MCHR2: variants seen among roughly 807,000 people sequenced by gnomAD.
MCHR2 encodes the protein melanin concentrating hormone receptor 2, also known as melanin-concentrating hormone receptor 2.
MCHR2 carries 15 observed loss-of-function variants against 24.8 expected under a neutral mutation model. That is an observed-to-expected ratio of 0.60 (90% CI 0.40 to 0.93). The LOEUF (loss-of-function observed/expected upper bound fraction) is 0.93, where lower values mean the gene tolerates loss of function less well. Among genes scored for constraint, MCHR2 ranks in the 40% least tolerant of loss-of-function variants. MCHR2 has a pLI of 0.00. For synonymous variants in MCHR2, 151 were observed against 147.6 expected, an observed-to-expected ratio of 1.02 and a Z score of -0.17; for missense variants, 386 against 408.7, an observed-to-expected ratio of 0.94 and a Z score of 0.48.
chr6:99,958,048 A>G (rs1775100518), intron 1 of MCHR2, among the ~76,000 whole-genome samples: 1 of 152,098 alleles, frequency 6.6e-6, no homozygotes, highest in Admixed American at 6.6e-5. Context: ...AAAAAAGAGA[A>G]TCAGATAGAA....
intron 1 of MCHR2, among the ~76,000 whole-genome samples, chr6:99,957,891 T>A (rs1227477100): frequency 6.6e-6 from 1 of 152,076 alleles, no homozygotes; most frequent in East Asian, 1.9e-4. Flanking sequence ...TGAAGACTCA[T>A]TAATCTATAG....
At chr6:99,970,400 T>C (rs1206247772) in intron 1 of MCHR2, among the ~76,000 whole-genome samples, 1 of 152,202 alleles carries the variant, frequency 6.6e-6, no homozygotes, top group Non-Finnish European at 1.5e-5. Flanking sequence ...CACTTTTTGA[T>C]GGGGTTGTTT....
chr6:99,932,119 A>G (rs954362422), intron 5 of MCHR2, among the ~76,000 whole-genome samples: 11 of 151,894 alleles, frequency 7.2e-5, no homozygotes, highest in Admixed American at 3.9e-4. Flanking sequence ...TTTGAAGGGT[A>G]TTTTTGCTGG....
chr6:99,962,661 G>A (rs1433813676), intron 1 of MCHR2, among the ~76,000 whole-genome samples: 1 of 152,016 alleles, frequency 6.6e-6, no homozygotes, highest in Non-Finnish European at 1.5e-5. Flanking sequence ...AAAACATAGG[G>A]GAAATCTTCA....
intron 1 of MCHR2, among the ~76,000 whole-genome samples, chr6:99,976,580 G>A (rs1166321997): frequency 1.3e-5 from 2 of 152,236 alleles, no homozygotes; most frequent in African/African-American, 2.4e-5. Context: ...TACTCCAGGT[G>A]TGGCTGCTGC....
intron 5 of MCHR2, among the ~76,000 whole-genome samples, chr6:99,927,233 C>T (rs1396292874): frequency 6.6e-6 from 1 of 152,196 alleles, no homozygotes; most frequent in East Asian, 1.9e-4. Context: ...GTTTTGGTTA[C>T]TGCAGCCTTG....
At chr6:99,953,236 C>T (rs950099012) in intron 2 of MCHR2, among the ~76,000 whole-genome samples, 6 of 152,176 alleles carry the variant, frequency 3.9e-5, no homozygotes, top group African/African-American at 1.2e-4. Flanking sequence ...TGGAATCCCA[C>T]ACTGAAGAGG....
At chr6:99,962,767 CTT>C (rs776351897) in intron 1 of MCHR2, among the ~76,000 whole-genome samples, 1 of 152,062 alleles carries the variant, frequency 6.6e-6, no homozygotes, top group Non-Finnish European at 1.5e-5. Flanking sequence ...AACTAAAAAG[CTT>C]CTGAACAGCA....
intron 1 of MCHR2, among the ~76,000 whole-genome samples, chr6:99,988,244 G>T (rs767496993): frequency 6.6e-6 from 1 of 152,114 alleles, no homozygotes; most frequent in Non-Finnish European, 1.5e-5. Context: ...TATTTCAGTG[G>T]CCTAATGGTG....
chr6:99,978,346 GGTTGT>G (rs1364204828), intron 1 of MCHR2, among the ~76,000 whole-genome samples: 2 of 151,598 alleles, frequency 1.3e-5, no homozygotes, highest in Non-Finnish European at 2.9e-5. Context: ...TCTGAAAGCA[GGTTGT>G]GTTAAGAGGA....
At chr6:99,960,611 A>T (rs1380363797) in intron 1 of MCHR2, among the ~76,000 whole-genome samples, 1 of 152,204 alleles carries the variant, frequency 6.6e-6, no homozygotes, top group African/African-American at 2.4e-5. Flanking sequence ...CCAAAACAGC[A>T]TGGTACTGGT....
intron 5 of MCHR2, among the ~76,000 whole-genome samples, chr6:99,926,018 T>C (rs1257409978): frequency 6.6e-6 from 1 of 151,996 alleles, no homozygotes; most frequent in Non-Finnish European, 1.5e-5. Context: ...CAGAGTGTGA[T>C]GTTCCCCTTC....
rs1481296167 is a variant in MCHR2 at position 99,918,805 on chromosome 6, T to C, written c.*2135A>G. Among the ~76,000 whole-genome samples the C allele has an allele frequency of 6.6e-6, 1 of 152,194 alleles. No individual in the cohort carries two copies. The highest frequency in any genetic ancestry group is 2.4e-5 in the African/African-American group (1 of 41,456). ...TAAATTTATTAATCACCCTTTTTAT[T>C]TTCTACTTTGATTAAATGCTAAATA... On this transcript the variant is annotated 3_prime_UTR_variant, in exon 6 of 6. Coordinates refer to ENST00000281806, the MANE Select transcript of MCHR2 (RefSeq NM_001040179.2).
At chr6:99,992,314 C>G (rs1211641006) in intron 1 of MCHR2, among the ~76,000 whole-genome samples, 1 of 152,218 alleles carries the variant, frequency 6.6e-6, no homozygotes, top group Non-Finnish European at 1.5e-5. Context: ...GACTCTAGGA[C>G]TAAAGTGCTA....
intron 4 of MCHR2, among the ~76,000 whole-genome samples, chr6:99,936,082 A>G (rs944917978): frequency 5.9e-5 from 9 of 151,674 alleles, no homozygotes; most frequent in African/African-American, 2.2e-4. Flanking sequence ...TGAGCTCCTT[A>G]TATATTCTGG....
At chr6:99,977,326 TC>T (rs944786796) in intron 1 of MCHR2, among the ~76,000 whole-genome samples, 1 of 152,188 alleles carries the variant, frequency 6.6e-6, no homozygotes, top group Non-Finnish European at 1.5e-5. Flanking sequence ...CCTATTAGAT[TC>T]TTAGGAAACC....
At chr6:99,924,290 T>C (rs1280608311) in intron 5 of MCHR2, among the ~76,000 whole-genome samples, 1 of 152,100 alleles carries the variant, frequency 6.6e-6, no homozygotes, top group Non-Finnish European at 1.5e-5. Context: ...TATTTAGATC[T>C]TCTGTCTTTT....
chr6:99,974,450 A>T (rs1775504845), intron 1 of MCHR2, among the ~76,000 whole-genome samples: 1 of 152,082 alleles, frequency 6.6e-6, no homozygotes, highest in Admixed American at 6.6e-5. Flanking sequence ...TATTCTAGTT[A>T]TCCATTTGCC....
chr6:99,978,562 G>A (rs1245057199), intron 1 of MCHR2, among the ~76,000 whole-genome samples: 1 of 151,444 alleles, frequency 6.6e-6, no homozygotes, highest in South Asian at 2.1e-4. Flanking sequence ...GGGACTACAG[G>A]TGCCCACCAC....
Sources: allele counts gnomAD v4.1 joint callset (sites outside exome capture counted in the v4.1 genomes callset), GRCh38; gene constraint gnomAD v4.1.1; transcripts MANE v1.5; gene names NCBI Gene and HGNC (gene_info 2026-07-23, HGNC 2026-07-21).